The following HIVEP2 variants were observed in gnomAD, a reference collection of about 807,000 sequenced individuals.
HIVEP2 encodes the protein transcription factor HIVEP2.
A neutral mutation model predicts 180.7 loss-of-function variants in HIVEP2; 14 were observed. The ratio of observed to expected loss-of-function variants is 0.08; its 90% CI spans 0.05 to 0.12. The LOEUF is 0.12. HIVEP2 is among the 10% of genes least tolerant of loss of function. The probability of loss-of-function intolerance (pLI) is 1.00; values close to 1 mark genes in which losing one functional copy is unlikely to be tolerated. For missense variants in HIVEP2, 2,579 were observed against 3,008.5 expected, an observed-to-expected ratio of 0.86 and a Z score of 3.34; for synonymous variants, 1,184 against 1,136.4, an observed-to-expected ratio of 1.04 and a Z score of -0.84.
At position 142,769,883 on chromosome 6, in the gene HIVEP2, A is replaced by T. The variant is rs1331551225; in HGVS notation, c.4856T>A (p.Val1619Glu). 1.2e-6 allele frequency: 2 copies of T among 1,614,112 alleles called. No individual in the cohort carries two copies. Among genetic ancestry groups the T allele is most frequent in the Non-Finnish European group, 1.7e-6 (2 of 1,180,030 alleles). Residue 1619 changes from valine (V) to glutamate (E), a missense_variant, in exon 5 of 10, where the codon GTG becomes GAG. Val to Glu is a moderately radical substitution (Grantham distance 121). Around this residue, in one of 11 missense-constraint regions of HIVEP2, gnomAD observed 349 missense variants for 367.2 expected, o/e 0.95. Transcript: ENST00000367603. ...VRMASAPSGN[V>E]ADSTLLLTDM... ...CGTGAGAAGAAGAGTTGAGTCTGCC[A>T]CGTTCCCGCTGGGGGCAGAGGCCAT...
chr6:142,934,833 G>T (rs1778016063), intron 1 of HIVEP2, among the ~76,000 whole-genome samples: 1 of 152,110 alleles, frequency 6.6e-6, no homozygotes, highest in African/African-American at 2.4e-5. Context: ...TCCTCCATTT[G>T]TCTTGGCCTA....
At chr6:142,942,331 T>G (rs1171074746) in intron 1 of HIVEP2, among the ~76,000 whole-genome samples, 1 of 152,138 alleles carries the variant, frequency 6.6e-6, no homozygotes, top group African/African-American at 2.4e-5. Flanking sequence ...GAATAAGATT[T>G]TTCATTTTAA....
chr6:142,762,481 CACACACACACACAT>C lies in HIVEP2; in HGVS notation c.5519-930_5519-917del, dbSNP rs1399074947. Among the ~76,000 whole-genome samples, 434 of 145,204 alleles carry C rather than the reference CACACACACACACAT, an allele frequency of 3.0e-3. 4 individuals are homozygous for C. The highest frequency in any genetic ancestry group is 0.011 in the African/African-American group (412 of 38,490). On this transcript the variant is annotated intron_variant, in intron 7 of 9. Transcript: ENST00000367603. ...ACACACACACACACACACACACACA[CACACACACACACAT>C]ACATATAAATTATATGCCATATAAC...
intron 3 of HIVEP2, among the ~76,000 whole-genome samples, chr6:142,780,892 T>C (rs993214061): frequency 6.6e-6 from 1 of 152,222 alleles, no homozygotes; most frequent in Non-Finnish European, 1.5e-5. Flanking sequence ...CTCTTCCAAA[T>C]GGCATAAATT....
chr6:142,942,008 G>A (rs1778190069), intron 1 of HIVEP2, among the ~76,000 whole-genome samples: 1 of 152,132 alleles, frequency 6.6e-6, no homozygotes, highest in African/African-American at 2.4e-5. Context: ...ATATCCGATT[G>A]ACCTTAGCCA....
At position 142,769,776 on chromosome 6, in the gene HIVEP2, T is replaced by C. The variant is rs754023705; in HGVS notation, c.4963A>G (p.Thr1655Ala). ...TTVSWCFLNYTKPNYVQQATF... is the reference protein window; with the variant it reads ...TTVSWCFLNYAKPNYVQQATF... ...GCCTGTTGCACATAATTGGGTTTTG[T>C]ATAATTCAAGAAGCACCAACTCACA... is the stretch of plus-strand genomic sequence containing the variant. Residue 1655 changes from threonine (T) to alanine (A), a missense_variant, in exon 5 of 10, where the codon ACA (threonine) becomes GCA (alanine). This residue lies in a region of HIVEP2 where 349 missense variants were observed against 367.2 expected (regional missense o/e 0.95). Transcript: ENST00000367603. The C allele has an allele frequency of 6.2e-7, 1 of 1,614,216 alleles. No individual in the cohort carries two copies. The highest frequency in any genetic ancestry group is 8.5e-7 in the Non-Finnish European group (1 of 1,180,038).
chr6:142,769,240 A>T (rs1480041114), intron 5 of HIVEP2, among the ~76,000 whole-genome samples: 3 of 152,218 alleles, frequency 2.0e-5, no homozygotes, highest in Non-Finnish European at 4.4e-5. Flanking sequence ...TAGGTCACTC[A>T]CAAAGGTCAG....
intron 1 of HIVEP2, among the ~76,000 whole-genome samples, chr6:142,868,230 A>G (rs1207045093): frequency 6.6e-6 from 1 of 152,164 alleles, no homozygotes; most frequent in Non-Finnish European, 1.5e-5. Flanking sequence ...CAACACTTCA[A>G]TCCTTTATCA....
intron 1 of HIVEP2, among the ~76,000 whole-genome samples, chr6:142,903,872 A>G (rs1200774236): frequency 2.6e-5 from 4 of 152,086 alleles, no homozygotes; most frequent in Admixed American, 2.6e-4. Flanking sequence ...ATTGCACCAA[A>G]GCAAAAAAAA....
intron 2 of HIVEP2, chr6:142,793,916 C>T (rs954871733): frequency 2.0e-5 from 3 of 152,052 alleles, no homozygotes; most frequent in African/African-American, 4.8e-5. Flanking sequence ...ATCTGCCTGC[C>T]TTGGTCTCCC....
At position 142,772,844 on chromosome 6, in the gene HIVEP2, T is replaced by C; in HGVS notation, c.1895A>G (p.Asp632Gly). The change falls in exon 5 of 10, where the codon GAC becomes GGC. Residue 632 changes from aspartate to glycine, a missense_variant. By Grantham distance (94) the Asp-to-Gly change is moderately conservative. This residue lies in a region of HIVEP2 where 524 missense variants were observed against 563.6 expected (regional missense o/e 0.93). Coordinates refer to ENST00000367603, the MANE Select transcript of HIVEP2 (RefSeq NM_006734.4). This position sits in a 1 kb window ranked among gnomAD's most constrained non-coding sequence, Gnocchi z 4.9. ...GACATCATAGTCATACCCAACCCTGTCCCCAGGAGACAATTTCTTTTCCTT... is the reference window on the plus strand; with the variant it reads ...GACATCATAGTCATACCCAACCCTGCCCCCAGGAGACAATTTCTTTTCCTT... ...SLKEKKLSPG[D>G]RVGYDYDVCR... The C allele has an allele frequency of 1.2e-6, 2 of 1,614,206 alleles. No homozygotes were observed. Among genetic ancestry groups the C allele is most frequent in the Non-Finnish European group, 1.7e-6 (2 of 1,180,028 alleles).
At chr6:142,827,534 G>A (rs1173234877) in intron 2 of HIVEP2, among the ~76,000 whole-genome samples, 3 of 152,158 alleles carry the variant, frequency 2.0e-5, no homozygotes, top group African/African-American at 7.2e-5. Flanking sequence ...GCGCACGCAC[G>A]TGCACGCACT....
chr6:142,881,798 A>G (rs1776580014), intron 1 of HIVEP2, among the ~76,000 whole-genome samples: 1 of 152,184 alleles, frequency 6.6e-6, no homozygotes, highest in Non-Finnish European at 1.5e-5. Flanking sequence ...CTCATGCTCT[A>G]TGAAAGTCCT....
At chr6:142,767,900 A>G (rs1775414449) in intron 6 of HIVEP2, among the ~76,000 whole-genome samples, 1 of 152,244 alleles carries the variant, frequency 6.6e-6, no homozygotes, top group Admixed American at 6.5e-5. Flanking sequence ...ACAGAAAAGG[A>G]TATTGATGGA....
At chr6:142,769,453 T>C in intron 5 of HIVEP2, 99 bp downstream of exon 5, 1 of 1,101,544 alleles carries the variant, frequency 9.1e-7, no homozygotes, top group Non-Finnish European at 1.3e-6. Flanking sequence ...ACCTTCATTT[T>C]ACTTGTATTT....
intron 1 of HIVEP2, among the ~76,000 whole-genome samples, chr6:142,860,464 T>C (rs1463765826): frequency 6.6e-6 from 1 of 152,216 alleles, no homozygotes; most frequent in Non-Finnish European, 1.5e-5. Context: ...ACTTTATTTC[T>C]ATTATTAGTA....
chr6:142,813,548 C>T (rs1776750302), intron 2 of HIVEP2, among the ~76,000 whole-genome samples: 1 of 149,068 alleles, frequency 6.7e-6, no homozygotes, highest in African/African-American at 2.5e-5. Flanking sequence ...GACATTATGT[C>T]TGGATGCTCC....
intron 2 of HIVEP2, among the ~76,000 whole-genome samples, chr6:142,787,688 T>TAC (rs1164477665): frequency 2.6e-5 from 4 of 151,138 alleles, no homozygotes; most frequent in South Asian, 2.1e-4. Context: ...ACAACACACA[T>TAC]ACACACACAC....
intron 1 of HIVEP2, among the ~76,000 whole-genome samples, chr6:142,883,927 T>C (rs1475717021): frequency 6.6e-6 from 1 of 152,196 alleles, no homozygotes; most frequent in Non-Finnish European, 1.5e-5. Context: ...AGGAAGGTTT[T>C]TCTTTTTTGT....
Sources: allele counts gnomAD v4.1 joint callset (sites outside exome capture counted in the v4.1 genomes callset), GRCh38; gene constraint gnomAD v4.1.1; regional missense constraint gnomAD v4.1.1; non-coding constraint Gnocchi (gnomAD v3.1); transcripts MANE v1.5; gene names NCBI Gene and HGNC (gene_info 2026-07-23, HGNC 2026-07-21).